The following NRXN1 variants were observed in gnomAD, a reference collection of about 807,000 sequenced individuals.
The protein encoded by NRXN1 is neurexin-1.
Under a neutral mutation model 150.9 loss-of-function variants are expected in NRXN1, and 39 were observed. The observed-to-expected ratio is 0.26, with a 90% CI of 0.20 to 0.34. The LOEUF is 0.34. Ranked by LOEUF, NRXN1 falls within the 10% of genes least tolerant of loss-of-function variation. The pLI, the probability that NRXN1 is intolerant of heterozygous loss-of-function variation, is 1.00. For missense variants in NRXN1, 1,815 were observed against 1,949.9 expected (o/e 0.93, Z 1.30); for synonymous variants, 924 against 757.0 (o/e 1.22, Z -3.62).
At chr2:50,493,372 C>G (rs567385519) in intron 15 of NRXN1, among the ~76,000 whole-genome samples, 5 of 152,250 alleles carry the variant, frequency 3.3e-5, no homozygotes, top group African/African-American at 1.2e-4. Context: ...TGCAAAAAAG[C>G]CTTCCAGGTG....
At chr2:50,817,662 C>T (rs548603891) in intron 5 of NRXN1, among the ~76,000 whole-genome samples, 87 of 151,986 alleles carry the variant, frequency 5.7e-4, no homozygotes, top group Non-Finnish European at 9.9e-4. Context: ...TACATCATGA[C>T]GAAGAGGGAT....
At chr2:50,592,390 CCCAAAAGACAAAGAGAAAAG>C (rs1322041477) in intron 8 of NRXN1, among the ~76,000 whole-genome samples, 111 of 152,286 alleles carry the variant, frequency 7.3e-4, no homozygotes, top group Non-Finnish European at 1.5e-5. Context: ...CTCTGTGCAT[CCCAAAAGACAAAGAGAAAAG>C]TAGTAGGCCA....
At chr2:50,233,275 G>T (rs538293659) in intron 18 of NRXN1, among the ~76,000 whole-genome samples, 1 of 151,818 alleles carries the variant, frequency 6.6e-6, no homozygotes, top group Non-Finnish European at 1.5e-5. Flanking sequence ...ATGACTTTGA[G>T]GTTAACAGTG....
At chr2:50,535,675 G>A (rs1252450480) in intron 10 of NRXN1, among the ~76,000 whole-genome samples, 1 of 152,118 alleles carries the variant, frequency 6.6e-6, no homozygotes, top group East Asian at 1.9e-4. Context: ...CATTATTTCT[G>A]TACTACTCCT....
At chr2:50,789,632 C>A (rs62140598) in intron 5 of NRXN1, among the ~76,000 whole-genome samples, 15 of 152,020 alleles carry the variant, frequency 9.9e-5, no homozygotes, top group Admixed American at 7.2e-4. Context: ...TGAAGGTATA[C>A]GGAAAGACGA....
At chr2:50,351,360 A>C (rs1195058035) in intron 17 of NRXN1, among the ~76,000 whole-genome samples, 1 of 152,204 alleles carries the variant, frequency 6.6e-6, no homozygotes, top group Non-Finnish European at 1.5e-5. Context: ...TACAGCAGAC[A>C]GAGGTGGCTT....
At chr2:50,299,944 G>A (rs968759879) in intron 17 of NRXN1, among the ~76,000 whole-genome samples, 1 of 152,128 alleles carries the variant, frequency 6.6e-6, no homozygotes, top group Non-Finnish European at 1.5e-5. Flanking sequence ...GAGGAACAAA[G>A]GATCAAACTC....
At chr2:50,529,270 C>G (rs1337902374) in intron 11 of NRXN1, among the ~76,000 whole-genome samples, 1 of 152,138 alleles carries the variant, frequency 6.6e-6, no homozygotes, top group Non-Finnish European at 1.5e-5. Context: ...CTGTATGTTT[C>G]CTTTAGAAAC....
intron 2 of NRXN1, among the ~76,000 whole-genome samples, chr2:51,010,023 G>A (rs1322453550): frequency 1.3e-5 from 2 of 151,828 alleles, no homozygotes; most frequent in Non-Finnish European, 2.9e-5. Flanking sequence ...GGTTACTGTG[G>A]TATTCTCTTC....
At chr2:50,269,396 A>G (rs1390432265) in intron 17 of NRXN1, among the ~76,000 whole-genome samples, 1 of 152,224 alleles carries the variant, frequency 6.6e-6, no homozygotes, top group African/African-American at 2.4e-5. Context: ...GATAGTATGC[A>G]CTGTATTTCC....
At chr2:50,637,029 C>A (rs1294585900) in intron 5 of NRXN1, among the ~76,000 whole-genome samples, 1 of 151,934 alleles carries the variant, frequency 6.6e-6, no homozygotes, top group Non-Finnish European at 1.5e-5. Context: ...TGGATAGAGC[C>A]CATAATTTGA....
At chr2:50,580,762 C>G (rs922393735) in intron 8 of NRXN1, among the ~76,000 whole-genome samples, 1 of 152,140 alleles carries the variant, frequency 6.6e-6, no homozygotes, top group African/African-American at 2.4e-5. Flanking sequence ...TCTCTCTCCA[C>G]TGCTTGTCTC....
At chr2:50,177,048 G>T (rs754554292) in intron 18 of NRXN1, among the ~76,000 whole-genome samples, 1 of 152,118 alleles carries the variant, frequency 6.6e-6, no homozygotes, top group South Asian at 2.1e-4. Context: ...TTGGGCAAAA[G>T]ACATTGTTTT....
intron 8 of NRXN1, among the ~76,000 whole-genome samples, chr2:50,590,663 C>G (rs1401811961): frequency 2.6e-5 from 4 of 152,082 alleles, no homozygotes; most frequent in African/African-American, 9.7e-5. Context: ...AGTTACTTCC[C>G]TCATAAAAGA....
At chr2:50,345,447 C>A (rs552991707) in intron 17 of NRXN1, among the ~76,000 whole-genome samples, 1 of 152,212 alleles carries the variant, frequency 6.6e-6, no homozygotes, top group East Asian at 1.9e-4. Context: ...GGATTCTGAG[C>A]TGAAACAAGT....
At chr2:50,899,592 G>T (rs1682592457) in intron 5 of NRXN1, among the ~76,000 whole-genome samples, 1 of 152,102 alleles carries the variant, frequency 6.6e-6, no homozygotes, top group Non-Finnish European at 1.5e-5. Context: ...TTTAAAAAAG[G>T]GGGTAGATTA....
At position 50,546,293 on chromosome 2, in the gene NRXN1, TGTCAA is replaced by T. The variant is rs1176145458; in HGVS notation, c.1759+6289_1759+6293del. ...TCCATCTTTACAGTGGGGATGAAGT[TGTCAA>T]GTTCGCTAAGCAGTGTTCAGAAGAT... On this transcript the variant is annotated intron_variant, in intron 9 of 22. Transcript: ENST00000401669. Among the ~76,000 whole-genome samples, 3 of 152,148 alleles carry T rather than the reference TGTCAA, an allele frequency of 2.0e-5. No individual in the cohort carries two copies. The East Asian group carries it at 5.8e-4, about 29-fold the overall frequency.
chr2:50,540,011 C>T (rs2093353702), intron 9 of NRXN1, among the ~76,000 whole-genome samples: 1 of 152,152 alleles, frequency 6.6e-6, no homozygotes, highest in East Asian at 1.9e-4. Context: ...ATTCCAAATC[C>T]CAGCAGAAGG....
chr2:50,199,230 A>G (rs1325554329), intron 18 of NRXN1: 1 of 152,170 alleles, frequency 6.6e-6, no homozygotes, highest in Non-Finnish European at 1.5e-5. Context: ...TTGAATCCAA[A>G]GGTTCATATA....
Sources: gnomAD v4.1 joint callset for allele counts (sites outside exome capture counted in the v4.1 genomes callset) on GRCh38, gnomAD v4.1.1 for gene constraint, MANE v1.5 for transcripts, NCBI Gene and HGNC (gene_info 2026-07-23, HGNC 2026-07-21) for gene names.